CAPN2: variants seen among roughly 807,000 people sequenced by gnomAD.
The protein encoded by CAPN2 is calpain 2, also known as calpain-2 catalytic subunit.
CAPN2 carries 92 observed loss-of-function variants against 102.3 expected under a neutral mutation model. The ratio of observed to expected loss-of-function variants is 0.90; its 90% confidence interval spans 0.76 to 1.07. CAPN2 has a LOEUF of 1.07. Ranked by LOEUF, CAPN2 falls within the 50% of genes least tolerant of loss-of-function variation. The probability of loss-of-function intolerance (pLI) is 0.00; values close to 1 mark genes in which losing one functional copy is unlikely to be tolerated. For synonymous variants in CAPN2, 340 were observed against 355.4 expected (o/e 0.96, Z 0.49); for missense variants, 800 against 909.4 (o/e 0.88, Z 1.55).
rs748679267 is a variant in CAPN2 at position 223,712,626 on chromosome 1, C to G, written c.-15C>G. 6.6e-7 allele frequency: 1 copy of G among 1,512,414 alleles called. No homozygotes were observed. Among genetic ancestry groups the G allele is most frequent in the African/African-American group, 1.4e-5 (1 of 69,802 alleles). The allele number at this position is 1,512,414 out of a possible 1,614,324, so 93.7% of individuals were successfully genotyped here. ...CCGACCTTTCTCTGCGCAGTACGGC[C>G]GCCGGGACCGCAGCATGGCGGGCAT... On this transcript the variant is annotated 5_prime_UTR_variant, in exon 1 of 21. Transcript: ENST00000295006.
In CAPN2 at chr1:223,725,436, A is replaced by G. The variant is rs1660166009; in HGVS notation, c.307+7605A>G. ...AGGACTGTAAAGATGAAATGAAATA[A>G]TAGACATATAAAGCTCAGAGCTCCA... On this transcript the variant is annotated intron_variant, in intron 2 of 20. Transcript: ENST00000295006. This position sits in a 1 kb window ranked among gnomAD's most constrained non-coding sequence, Gnocchi z 4.1. 6.6e-6 allele frequency among the ~76,000 whole-genome samples: 1 copy of G among 152,204 alleles called. No individual in the cohort carries two copies.
At chr1:223,735,526 TAAAAAAA>T (rs566489022) in intron 2 of CAPN2, among the ~76,000 whole-genome samples, 1 of 131,516 alleles carries the variant, frequency 7.6e-6, no homozygotes, top group Non-Finnish European at 1.7e-5. Context: ...AGACTCTATC[TAAAAAAA>T]AAAAAAAAAA....
At chr1:223,763,755 T>G (rs1257579584) in intron 14 of CAPN2, among the ~76,000 whole-genome samples, 1 of 152,124 alleles carries the variant, frequency 6.6e-6, no homozygotes, top group African/African-American at 2.4e-5. Context: ...GTGAGTGAAC[T>G]CTCCCTACTG....
intron 16 of CAPN2, 47 bp downstream of exon 16, chr1:223,766,478 A>C: frequency 7.2e-7 from 1 of 1,394,262 alleles, no homozygotes; most frequent in Non-Finnish European, 1.0e-6. Context: ...GGAGTTTAAA[A>C]TCTCACTCCA....
intron 2 of CAPN2, among the ~76,000 whole-genome samples, chr1:223,737,253 G>A (rs894208497): frequency 1.3e-5 from 2 of 152,150 alleles, no homozygotes; most frequent in Non-Finnish European, 2.9e-5. Context: ...GTCTGTGCCA[G>A]TTGAGTGTCT....
In CAPN2 at chr1:223,774,875, C is replaced by G; in HGVS notation, c.*18C>G. The G allele has an allele frequency of 6.2e-7, 1 of 1,607,462 alleles. No individual in the cohort carries two copies. Among genetic ancestry groups the G allele is most frequent in the Non-Finnish European group, 8.5e-7 (1 of 1,174,768 alleles). ...TACTTTGAAGTTATAACTAATCTGC[C>G]TGAAGACTTCTCATGATGGAAAATC... On this transcript the variant is annotated 3_prime_UTR_variant, in exon 21 of 21. Coordinates refer to ENST00000295006, the MANE Select transcript of CAPN2 (RefSeq NM_001748.5).
intron 2 of CAPN2, among the ~76,000 whole-genome samples, chr1:223,742,511 TA>T (rs1199865221): frequency 8.7e-6 from 1 of 115,280 alleles, no homozygotes; most frequent in African/African-American, 3.8e-5. Flanking sequence ...TATATATATA[TA>T]TATATATTTT....
chr1:223,739,620 A>C (rs191812672), intron 2 of CAPN2, among the ~76,000 whole-genome samples: 2 of 152,332 alleles, frequency 1.3e-5, no homozygotes, highest in Admixed American at 6.5e-5. Flanking sequence ...CCAAGGTCTG[A>C]GTAGCCATCC....
chr1:223,759,196 C>A lies in CAPN2; in HGVS notation c.1318-74C>A. ...CACCACACTACCCAACTGCTTTTAT[C>A]TCAGTGAATGAAAATGATACTTGCC... On this transcript the variant is annotated intron_variant, in intron 11 of 20. Coordinates refer to ENST00000295006, the MANE Select transcript of CAPN2 (RefSeq NM_001748.5). This position sits in a 1 kb window ranked among gnomAD's most constrained non-coding sequence, Gnocchi z 4.6. 7.2e-7 allele frequency: 1 copy of A among 1,389,552 alleles called. No homozygotes were observed. Among genetic ancestry groups the A allele is most frequent in the Non-Finnish European group, 1.0e-6 (1 of 980,540 alleles). 86.1% of individuals were successfully genotyped at this position (1,389,552 alleles called of 1,614,324 possible).
chr1:223,775,017 G>C lies in CAPN2; in HGVS notation c.*160G>C. On this transcript the variant is annotated 3_prime_UTR_variant, in exon 21 of 21. Coordinates refer to ENST00000295006, the MANE Select transcript of CAPN2 (RefSeq NM_001748.5). ...ATAATGATACTGTCAATTTGAGATA[G>C]CAGAAGTTTCACACATCAAAGTAAA... is the stretch of plus-strand genomic sequence containing the variant. The C allele has an allele frequency of 1.5e-6, 1 of 661,900 alleles. No homozygotes were observed. 41.0% of individuals were successfully genotyped at this position (661,900 alleles called of 1,614,324 possible).
At chr1:223,717,650 A>G in intron 1 of CAPN2, 112 bp from the exon 2 acceptor site, 1 of 793,576 alleles carries the variant, frequency 1.3e-6, no homozygotes. Context: ...CTTTCCCCAG[A>G]GGGGAGGGGA....
chr1:223,721,478 A>G (rs368362227), intron 2 of CAPN2, among the ~76,000 whole-genome samples: 2 of 152,322 alleles, frequency 1.3e-5, no homozygotes, highest in African/African-American at 4.8e-5. Context: ...GGCATAGGTC[A>G]CCTTGCAGGC....
chr1:223,739,435 C>T (rs11577382), intron 2 of CAPN2, among the ~76,000 whole-genome samples: 1 of 152,134 alleles, frequency 6.6e-6, no homozygotes, highest in African/African-American at 2.4e-5. Context: ...CTGCCCACCT[C>T]GGCCTCCCAA....
At position 223,752,924 on chromosome 1, in the gene CAPN2, G is replaced by C. The variant is rs1458646354; in HGVS notation, c.1103G>C (p.Gly368Ala). ...AAAATGGATGGGAACTGGAGGCGGG[G>C]CTCCACCGCGGGAGGTTGCAGGAAC... ...LTKMDGNWRRGSTAGGCRNYP... is the reference protein window; with the variant it reads ...LTKMDGNWRRASTAGGCRNYP... Residue 368 changes from glycine to alanine, a missense_variant, in exon 9 of 21, where the codon GGC becomes GCC. Physicochemically the swap from Gly to Ala is moderately conservative, Grantham distance 60. Transcript: ENST00000295006. 2.5e-6 allele frequency: 4 copies of C among 1,613,966 alleles called. No homozygotes were observed. Among genetic ancestry groups the C allele is most frequent in the Non-Finnish European group, 3.4e-6 (4 of 1,179,994 alleles).
At chr1:223,732,973 AAAGAAAACAAT>A (rs1408881637) in intron 2 of CAPN2, among the ~76,000 whole-genome samples, 3 of 152,210 alleles carry the variant, frequency 2.0e-5, no homozygotes, top group Non-Finnish European at 2.9e-5. Context: ...TAAAGGGACT[AAAGAAAACAAT>A]AAGAAAACCC....
At position 223,717,821 on chromosome 1, in the gene CAPN2, A is replaced by C. The variant is rs759831586; in HGVS notation, c.297A>C (p.Gln99His). 6.2e-7 allele frequency: 1 copy of C among 1,613,694 alleles called. No individual in the cohort carries two copies. The highest frequency in any genetic ancestry group is 2.2e-5 in the East Asian group (1 of 44,874). Residue 99 changes from glutamine (Q) to histidine (H), a missense_variant, in exon 2 of 21, where the codon CAA becomes CAC. Gln to His is a conservative substitution (Grantham distance 24). Transcript: ENST00000295006. ...GAGCCACCCGCACAGACATCTGCCA[A>C]GGAGCCCTGGGTAAGTGATAGATTC... Reference protein sequence around the residue: ...IGGATRTDICQGALGDCWLLA... With the variant: ...IGGATRTDICHGALGDCWLLA...
intron 2 of CAPN2, among the ~76,000 whole-genome samples, chr1:223,723,616 C>T (rs1233681960): frequency 6.6e-6 from 1 of 152,042 alleles, no homozygotes; most frequent in Non-Finnish European, 1.5e-5. Context: ...CACTTAAGAT[C>T]TAAGATCTTA....
chr1:223,735,858 C>A (rs1425751409), intron 2 of CAPN2, among the ~76,000 whole-genome samples: 1 of 151,864 alleles, frequency 6.6e-6, no homozygotes, highest in Non-Finnish European at 1.5e-5. Context: ...CAGCTCACTA[C>A]AACCCCCACC....
In CAPN2 at chr1:223,752,829, C is replaced by A. The variant is rs775184078; in HGVS notation, c.1008C>A (p.Ser336=). 6.8e-6 allele frequency: 11 copies of A among 1,614,030 alleles called. No homozygotes were observed. Among genetic ancestry groups the A allele is most frequent in the Admixed American group, 1.7e-5 (1 of 60,002 alleles). ...TCAGTGACTTCCTGAGGCACTATTC[C>A]CGCCTGGAGATCTGTAACCTGACCC... ...MSFSDFLRHY[S]RLEICNLTPD... is the part of the protein sequence containing the mutation. Residue 336 remains serine (S), a synonymous_variant, in exon 9 of 21, where the codon TCC becomes TCA. Coordinates refer to ENST00000295006, the MANE Select transcript of CAPN2 (RefSeq NM_001748.5).
Sources: gnomAD v4.1 joint callset for allele counts (sites outside exome capture counted in the v4.1 genomes callset) on GRCh38, gnomAD v4.1.1 for gene constraint, Gnocchi (gnomAD v3.1) non-coding constraint, MANE v1.5 for transcripts, NCBI Gene and HGNC (gene_info 2026-07-23, HGNC 2026-07-21) for gene names.